RAD52: variants seen among roughly 807,000 people sequenced by gnomAD.
RAD52 encodes RAD52 DNA repair protein.
Under a neutral mutation model 55.5 loss-of-function variants are expected in RAD52, and 47 were observed. The ratio of observed to expected loss-of-function variants is 0.85; its 90% CI spans 0.67 to 1.08. The LOEUF is 1.08. Among genes scored for constraint, RAD52 ranks in the 50% least tolerant of loss-of-function variants. The pLI is 0.00. For missense variants in RAD52, 468 were observed against 522.8 expected, an observed-to-expected ratio of 0.90 and a Z score of 1.02; for synonymous variants, 184 against 198.9, an observed-to-expected ratio of 0.92 and a Z score of 0.63.
At chr12:926,759 C>T in intron 6 of RAD52, 1 of 1,512,786 alleles carries the variant, frequency 6.6e-7, no homozygotes, top group Non-Finnish European at 8.9e-7. Context: ...CTAACACGGA[C>T]ATCTGCGTGA....
chr12:914,152 G>A (rs1956234726), intron 10 of RAD52, 31 bp from the exon 11 acceptor site: 3 of 1,572,046 alleles, frequency 1.9e-6, no homozygotes, highest in Non-Finnish European at 2.6e-6. Context: ...TGCGTCATCA[G>A]CAAATAATGA....
At chr12:935,530 G>A (rs530865819) in intron 1 of RAD52, among the ~76,000 whole-genome samples, 11 of 151,910 alleles carry the variant, frequency 7.2e-5, no homozygotes, top group Admixed American at 4.6e-4. Flanking sequence ...ACAGGTGTGC[G>A]CCACCATGCC....
chr12:929,986 C>T (rs1384732365), intron 4 of RAD52, 65 bp downstream of exon 4: 1 of 1,579,542 alleles, frequency 6.3e-7, no homozygotes, highest in Admixed American at 1.7e-5. Flanking sequence ...ACCTCCTCAC[C>T]CACAGCAGAC....
chr12:969,365 A>C (rs894948683), intron 1 of RAD52, among the ~76,000 whole-genome samples: 1 of 152,054 alleles, frequency 6.6e-6, no homozygotes, highest in African/African-American at 2.4e-5. Context: ...TTTTATTTAG[A>C]TGAGACTTTG....
At chr12:966,565 C>T (rs1227078206) in intron 1 of RAD52, among the ~76,000 whole-genome samples, 8 of 152,052 alleles carry the variant, frequency 5.3e-5, no homozygotes, top group East Asian at 3.9e-4. Context: ...TGTTTGTTTT[C>T]GCCTTCTATT....
At chr12:976,535 T>C (rs1958937463) in intron 1 of RAD52, 1 of 152,232 alleles carries the variant, frequency 6.6e-6, no homozygotes, top group South Asian at 2.1e-4. Flanking sequence ...GTAGGTACTA[T>C]GGTCAGCAGT....
chr12:951,161 G>A (rs1011835658), upstream of RAD52, among the ~76,000 whole-genome samples: 2 of 152,090 alleles, frequency 1.3e-5, no homozygotes, highest in Non-Finnish European at 2.9e-5. Flanking sequence ...TGCCCAGACT[G>A]TACTGCAGTG....
chr12:933,102 AAAAC>A (rs748785439), intron 1 of RAD52, 26 bp from the exon 2 acceptor site: 2 of 1,498,312 alleles, frequency 1.3e-6, no homozygotes, highest in South Asian at 1.2e-5. Flanking sequence ...GCGGAAAAAA[AAAAC>A]AACCCTCAAA....
chr12:959,185 C>T (rs1323474537), intron 1 of RAD52, among the ~76,000 whole-genome samples: 3 of 152,116 alleles, frequency 2.0e-5, no homozygotes, highest in South Asian at 2.1e-4. Flanking sequence ...TTCTAAGAAC[C>T]GGCACTAGTA....
chr12:934,902 C>G (rs1408906784), intron 1 of RAD52, among the ~76,000 whole-genome samples: 1 of 152,052 alleles, frequency 6.6e-6, no homozygotes, highest in Non-Finnish European at 1.5e-5. Context: ...CACCTGAGGT[C>G]AGGAGTTCGA....
chr12:972,917 G>T (rs1958883653), intron 1 of RAD52, among the ~76,000 whole-genome samples: 1 of 152,108 alleles, frequency 6.6e-6, no homozygotes, highest in Non-Finnish European at 1.5e-5. Flanking sequence ...GGCAAATTTT[G>T]TAGGACATTA....
chr12:941,271 C>G (rs1008746970), intron 1 of RAD52, among the ~76,000 whole-genome samples: 5 of 152,002 alleles, frequency 3.3e-5, no homozygotes, highest in Admixed American at 3.3e-4. Context: ...ATCAATTTAA[C>G]AAAATATGTA....
intron 8 of RAD52, 66 bp downstream of exon 8, chr12:916,573 T>C (rs1465102805): frequency 3.1e-6 from 5 of 1,597,694 alleles, no homozygotes; most frequent in Non-Finnish European, 4.3e-6. Context: ...TCTGGAGGCC[T>C]GAGTGGAGGC....
rs1338537198 is a variant in RAD52 at position 948,706 on chromosome 12, C to CT, written c.-19+895dup. 1.5e-3 allele frequency among the ~76,000 whole-genome samples: 216 copies of CT among 145,788 alleles called. 1 individual carries two copies. The highest frequency in any genetic ancestry group is 2.5e-3 in the East Asian group (12 of 4,864). On this transcript the variant is annotated intron_variant, in intron 1 of 11. Transcript: ENST00000358495. The stretch of plus-strand genomic sequence containing the variant: ...GAATTTAATTGTACGTGAATTATAA[C>CT]TTTTTTTTTTTTGGATGGATTCTCG...
chr12:929,274 A>C (rs1350202789), intron 5 of RAD52, among the ~76,000 whole-genome samples: 1 of 152,230 alleles, frequency 6.6e-6, no homozygotes, highest in East Asian at 1.9e-4. Flanking sequence ...TGATTAAAAA[A>C]AAGCTTGTTC....
Position 912,511 on chromosome 12 carries a change from TAAGC to T in RAD52, c.*876_*879del, listed in dbSNP as rs896754687. Reference sequence around the variant, plus strand: ...CAATTCTGGTTTCAAGCATTTCAGATAAGCAATATATATATATTCTATTTTGTTA... The same window carrying T: ...CAATTCTGGTTTCAAGCATTTCAGATAATATATATATATTCTATTTTGTTA... On this transcript the variant is annotated 3_prime_UTR_variant, in exon 12 of 12. Coordinates refer to ENST00000358495, the MANE Select transcript of RAD52 (RefSeq NM_134424.4). 1.1e-4 allele frequency: 19 copies of T among 166,342 alleles called. No individual in the cohort carries two copies. The highest frequency in any genetic ancestry group is 5.0e-5 in the Non-Finnish European group (4 of 79,742). The allele number at this position is 166,342 out of a possible 1,614,324, so 10.3% of individuals were successfully genotyped here. A position where few individuals can be genotyped will look rare whatever the true frequency, so the allele number is the denominator to read the frequency against.
chr12:934,237 C>A (rs150079816), intron 1 of RAD52, among the ~76,000 whole-genome samples: 5,248 of 151,886 alleles, frequency 0.035, 299 homozygotes, highest in African/African-American at 0.12. Context: ...GAGGCTGAGG[C>A]GGGCGGATCA....
At chr12:984,000 A>G (rs1258338513) in intron 1 of RAD52, among the ~76,000 whole-genome samples, 2 of 152,204 alleles carry the variant, frequency 1.3e-5, no homozygotes, top group Non-Finnish European at 2.9e-5. Flanking sequence ...TGTAAGTAAC[A>G]TAACACTTTA....
chr12:915,144 A>G (rs1956288355), intron 9 of RAD52, among the ~76,000 whole-genome samples: 1 of 152,182 alleles, frequency 6.6e-6, no homozygotes, highest in East Asian at 1.9e-4. Flanking sequence ...AAAACAAACC[A>G]ACAAACAAAA....
Sources: gnomAD v4.1 joint callset for allele counts (sites outside exome capture counted in the v4.1 genomes callset) on GRCh38, gnomAD v4.1.1 for gene constraint, MANE v1.5 for transcripts, NCBI Gene and HGNC (gene_info 2026-07-23, HGNC 2026-07-21) for gene names.